SGCZ: variants seen among roughly 807,000 people sequenced by gnomAD.
SGCZ encodes sarcoglycan zeta, also known as zeta-sarcoglycan.
A neutral mutation model predicts 41.3 loss-of-function variants in SGCZ; 40 were observed. The observed-to-expected ratio is 0.97, with a 90% CI of 0.75 to 1.26. The LOEUF (loss-of-function observed/expected upper bound fraction) is 1.26, where lower values mean the gene tolerates loss of function less well. Ranked by LOEUF, SGCZ falls within the 50% of genes most tolerant of loss-of-function variation. SGCZ has a pLI of 0.00. For synonymous variants in SGCZ, 206 were observed against 137.5 expected (o/e 1.50, Z -3.49); for missense variants, 552 against 369.8 (o/e 1.49, Z -4.04).
chr8:14,139,773 C>G (rs909234833), intron 5 of SGCZ, among the ~76,000 whole-genome samples: 2 of 152,164 alleles, frequency 1.3e-5, no homozygotes, highest in Non-Finnish European at 2.9e-5. Flanking sequence ...GAAGCTGGTA[C>G]CATTCCTTCT....
chr8:14,792,771 C>G (rs1051140803), intron 1 of SGCZ, among the ~76,000 whole-genome samples: 3 of 151,982 alleles, frequency 2.0e-5, no homozygotes. Context: ...TTCTTTTTCT[C>G]TCACTGACCA....
At chr8:14,257,756 G>C (rs549841417) in intron 3 of SGCZ, among the ~76,000 whole-genome samples, 1 of 151,948 alleles carries the variant, frequency 6.6e-6, no homozygotes, top group African/African-American at 2.4e-5. Context: ...CCTTGCGATA[G>C]TTTGCTGAGA....
chr8:14,242,724 C>T (rs1309549376), intron 3 of SGCZ, among the ~76,000 whole-genome samples: 1 of 152,078 alleles, frequency 6.6e-6, no homozygotes, highest in African/African-American at 2.4e-5. Flanking sequence ...GATTAAGTCA[C>T]TTCCTTCAAA....
intron 1 of SGCZ, among the ~76,000 whole-genome samples, chr8:14,857,070 G>C (rs556276359): frequency 9.2e-5 from 14 of 152,256 alleles, no homozygotes; most frequent in Non-Finnish European, 1.8e-4. Context: ...TCCTCTCTTA[G>C]TACTGTATAG....
At chr8:14,675,575 A>C (rs1319735785) in intron 1 of SGCZ, among the ~76,000 whole-genome samples, 1 of 152,124 alleles carries the variant, frequency 6.6e-6, no homozygotes, top group Non-Finnish European at 1.5e-5. Context: ...AAATATGTTA[A>C]ATTACCAAAA....
chr8:14,758,737 G>A (rs978469386), intron 1 of SGCZ, among the ~76,000 whole-genome samples: 9 of 152,084 alleles, frequency 5.9e-5, no homozygotes, highest in South Asian at 2.1e-4. Flanking sequence ...GGCCGAGTGC[G>A]GTGGCTCACG....
intron 1 of SGCZ, among the ~76,000 whole-genome samples, chr8:14,829,775 C>T (rs1040338831): frequency 6.6e-6 from 1 of 151,822 alleles, no homozygotes; most frequent in African/African-American, 2.4e-5. Context: ...AATCATAAAA[C>T]TTGTAAAGAT....
chr8:14,804,452 T>C (rs1323826032), intron 1 of SGCZ, among the ~76,000 whole-genome samples: 22 of 135,078 alleles, frequency 1.6e-4, no homozygotes, highest in African/African-American at 8.0e-5. Flanking sequence ...CAGGAGCCGA[T>C]GCGATCAACT....
chr8:14,664,782 T>C (rs1807854983), intron 1 of SGCZ, among the ~76,000 whole-genome samples: 2 of 152,182 alleles, frequency 1.3e-5, no homozygotes, highest in African/African-American at 4.8e-5. Context: ...TCTGTGAACA[T>C]TACTACAGTG....
At chr8:14,442,443 T>C (rs1392488986) in intron 2 of SGCZ, among the ~76,000 whole-genome samples, 2 of 152,206 alleles carry the variant, frequency 1.3e-5, no homozygotes, top group African/African-American at 2.4e-5. Context: ...TCTCTTTTTC[T>C]TTATAAATTA....
chr8:14,181,533 C>G (rs573057957), intron 4 of SGCZ, among the ~76,000 whole-genome samples: 167 of 152,320 alleles, frequency 1.1e-3, no homozygotes, highest in Non-Finnish European at 2.0e-3. Context: ...GCTGTGTCCC[C>G]ACCCAAATCT....
At chr8:15,061,958 C>A (rs1459944420) in intron 1 of SGCZ, among the ~76,000 whole-genome samples, 1 of 152,092 alleles carries the variant, frequency 6.6e-6, no homozygotes, top group Non-Finnish European at 1.5e-5. Flanking sequence ...TTGTGGCTTG[C>A]CAAAGCTTTA....
chr8:14,287,473 T>G (rs1249676780), intron 3 of SGCZ, among the ~76,000 whole-genome samples: 1 of 152,034 alleles, frequency 6.6e-6, no homozygotes, highest in Non-Finnish European at 1.5e-5. Flanking sequence ...GTTTACAGTT[T>G]ATTGCCCTGT....
chr8:14,766,567 A>T (rs573205755), intron 1 of SGCZ, among the ~76,000 whole-genome samples: 86 of 151,506 alleles, frequency 5.7e-4, no homozygotes, highest in African/African-American at 1.9e-3. Flanking sequence ...AAATATATAT[A>T]TTTTTTCTTC....
intron 6 of SGCZ, among the ~76,000 whole-genome samples, chr8:14,107,020 T>A (rs1364603939): frequency 1.3e-5 from 2 of 151,932 alleles, no homozygotes; most frequent in South Asian, 4.2e-4. Context: ...ATAGAGACTA[T>A]CCGGAGCAAC....
intron 1 of SGCZ, among the ~76,000 whole-genome samples, chr8:14,949,107 T>C (rs559424596): frequency 1.3e-5 from 2 of 152,204 alleles, no homozygotes; most frequent in East Asian, 3.9e-4. Context: ...TCTCTCAATT[T>C]CTCAACCAGA....
intron 5 of SGCZ, among the ~76,000 whole-genome samples, chr8:14,108,742 T>C (rs9643971): frequency 1.3e-5 from 2 of 151,882 alleles, no homozygotes; most frequent in East Asian, 3.9e-4. Context: ...TGGAAGAATA[T>C]CACCAGGCAG....
chr8:14,664,306 C>G (rs1807839726), intron 1 of SGCZ, among the ~76,000 whole-genome samples: 1 of 152,146 alleles, frequency 6.6e-6, no homozygotes, highest in African/African-American at 2.4e-5. Flanking sequence ...ATCACAAACA[C>G]AGTTTGCTGA....
chr8:14,239,901 C>CAAA lies in SGCZ; in HGVS notation c.337-2225_337-2223dup, dbSNP rs71209029. ...TGGGCGACAGAGCGAGACTCCGTCT[C>CAAA]AAAAAAAAAAAAAAAAAAAAAAAAA... On this transcript the variant is annotated intron_variant, in intron 3 of 7. Coordinates refer to ENST00000382080, the MANE Select transcript of SGCZ (RefSeq NM_139167.4). Among the ~76,000 whole-genome samples, 25 of 41,374 alleles carry CAAA rather than the reference C, an allele frequency of 6.0e-4. 2 individuals are homozygous for CAAA. Among genetic ancestry groups the CAAA allele is most frequent in the African/African-American group, 4.9e-3 (21 of 4,300 alleles). 27.1% of individuals were successfully genotyped at this position (41,374 alleles called of 152,430 possible).
Sources: gnomAD v4.1 joint callset for allele counts (sites outside exome capture counted in the v4.1 genomes callset) on GRCh38, gnomAD v4.1.1 for gene constraint, MANE v1.5 for transcripts, NCBI Gene and HGNC (gene_info 2026-07-23, HGNC 2026-07-21) for gene names.